MITF: variants seen among roughly 807,000 people sequenced by gnomAD.
MITF encodes the protein melanocyte inducing transcription factor, also known as microphthalmia-associated transcription factor.
Under a neutral mutation model 60.5 loss-of-function variants are expected in MITF, and 17 were observed. That is an observed-to-expected ratio of 0.28 (90% CI 0.19 to 0.42). The LOEUF is 0.42. Ranked by LOEUF, MITF falls within the 10% of genes least tolerant of loss-of-function variation. MITF has a pLI of 1.00. For missense variants in MITF, 622 were observed against 683.5 expected, an observed-to-expected ratio of 0.91 and a Z score of 1.00; for synonymous variants, 260 against 248.5, an observed-to-expected ratio of 1.05 and a Z score of -0.43.
In MITF at chr3:69,937,938, C is replaced by T. The variant is rs953396864; in HGVS notation, c.471C>T (p.Ser157=). Residue 157 remains serine (S), a synonymous_variant, in exon 3 of 10, where the codon AGC becomes AGT. Coordinates refer to ENST00000352241, the MANE Select transcript of MITF (RefSeq NM_001354604.2). ...LANKHANQVL[S]LPCPNQPGDH... is the part of the protein sequence containing the mutation. ...ATAAACATGCCAACCAAGTCCTGAGCTTGCCATGTCCAAACCAGCCTGGCG... is the reference window on the plus strand; with the variant it reads ...ATAAACATGCCAACCAAGTCCTGAGTTTGCCATGTCCAAACCAGCCTGGCG... The T allele has an allele frequency of 1.9e-6, 3 of 1,614,060 alleles. No individual in the cohort carries two copies. The African/African-American group carries it at 4.0e-5, about 22-fold the overall frequency.
At chr3:69,832,658 G>T (rs1224379310) in intron 1 of MITF, among the ~76,000 whole-genome samples, 2 of 151,654 alleles carry the variant, frequency 1.3e-5, no homozygotes. Context: ...GTCACACTGT[G>T]TGTGGTTGTT....
intron 2 of MITF, among the ~76,000 whole-genome samples, chr3:69,911,646 G>A (rs951677323): frequency 6.6e-6 from 1 of 152,158 alleles, no homozygotes; most frequent in Non-Finnish European, 1.5e-5. Flanking sequence ...GGGAAAGAAG[G>A]CAAAGAATAT....
chr3:69,937,330 T>C (rs1437941505), intron 2 of MITF, among the ~76,000 whole-genome samples: 2 of 151,942 alleles, frequency 1.3e-5, no homozygotes, highest in African/African-American at 2.4e-5. Flanking sequence ...TATATTTATT[T>C]TCTACAGCCA....
chr3:69,907,292 G>T (rs1219645980), intron 2 of MITF, among the ~76,000 whole-genome samples: 1 of 152,146 alleles, frequency 6.6e-6, no homozygotes, highest in Non-Finnish European at 1.5e-5. Flanking sequence ...GGATGAAAAA[G>T]TCATGTGGGT....
chr3:69,793,275 C>T (rs2062772089), intron 1 of MITF, among the ~76,000 whole-genome samples: 1 of 152,136 alleles, frequency 6.6e-6, no homozygotes, highest in African/African-American at 2.4e-5. Flanking sequence ...TTCGGCCTCC[C>T]AAAGTGTTGG....
At chr3:69,756,667 G>A (rs927301512) in intron 1 of MITF, among the ~76,000 whole-genome samples, 1 of 152,146 alleles carries the variant, frequency 6.6e-6, no homozygotes, top group Non-Finnish European at 1.5e-5. Context: ...GGATTGCTGG[G>A]TCAAATGGTA....
At chr3:69,856,072 C>T (rs2063913548) in intron 1 of MITF, among the ~76,000 whole-genome samples, 1 of 152,110 alleles carries the variant, frequency 6.6e-6, no homozygotes, top group South Asian at 2.1e-4. Flanking sequence ...TTTCAGAACC[C>T]TACATGGTTT....
At chr3:69,754,487 TCCA>T (rs1704054276) in intron 1 of MITF, among the ~76,000 whole-genome samples, 1 of 152,164 alleles carries the variant, frequency 6.6e-6, no homozygotes, top group Admixed American at 6.5e-5. Context: ...TGCTCCTGCT[TCCA>T]CCATGTGAGA....
chr3:69,817,073 T>G (rs1392131509), intron 1 of MITF, among the ~76,000 whole-genome samples: 1 of 152,300 alleles, frequency 6.6e-6, no homozygotes, highest in Non-Finnish European at 1.5e-5. Flanking sequence ...TGATGCTTTT[T>G]CTGAAAATAC....
intron 1 of MITF, among the ~76,000 whole-genome samples, chr3:69,783,122 C>T (rs890681089): frequency 8.5e-5 from 13 of 152,072 alleles, no homozygotes; most frequent in Non-Finnish European, 1.8e-4. Context: ...TCTGATTTTC[C>T]CTTGGAGTGA....
intron 1 of MITF, among the ~76,000 whole-genome samples, chr3:69,845,409 GTTTTC>G (rs1449236792): frequency 9.0e-5 from 12 of 133,388 alleles, no homozygotes; most frequent in South Asian, 4.7e-4. Flanking sequence ...GCAATTCTTT[GTTTTC>G]TTTTCTTTTC....
Position 69,941,300 on chromosome 3 carries a change from T to G in MITF, c.731T>G (p.Leu244Trp). The change falls in exon 5 of 10, where the codon TTG (leucine) becomes TGG (tryptophan). Residue 244 changes from leucine (L) to tryptophan (W), a missense_variant. By Grantham distance (61) the Leu-to-Trp change is moderately conservative (BLOSUM62 -2). Transcript: ENST00000352241. ...AGTTATAATGAGGAAATCTTGGGCT[T>G]GATGGATCCTGCTTTGCAAATGGCA... Reference protein sequence around the residue: ...ESSYNEEILGLMDPALQMANT... With the variant: ...ESSYNEEILGWMDPALQMANT... The G allele has an allele frequency of 6.2e-7, 1 of 1,613,118 alleles. No homozygotes were observed. The highest frequency in any genetic ancestry group is 8.5e-7 in the Non-Finnish European group (1 of 1,179,296).
intron 2 of MITF, among the ~76,000 whole-genome samples, chr3:69,904,148 C>T (rs1301033379): frequency 6.6e-6 from 1 of 152,014 alleles, no homozygotes; most frequent in Non-Finnish European, 1.5e-5. Context: ...CCTCCCTTTG[C>T]ACTCTCTGGG....
At chr3:69,754,212 C>T (rs1430094167) in intron 1 of MITF, among the ~76,000 whole-genome samples, 5 of 151,542 alleles carry the variant, frequency 3.3e-5, no homozygotes, top group Non-Finnish European at 5.9e-5. Context: ...CTGTTAGTCT[C>T]TCTCTCTCCT....
At chr3:69,793,868 C>T (rs900125737) in intron 1 of MITF, among the ~76,000 whole-genome samples, 2 of 152,158 alleles carry the variant, frequency 1.3e-5, no homozygotes, top group Non-Finnish European at 2.9e-5. Flanking sequence ...ACAACAGTGT[C>T]CTCATTTATA....
At chr3:69,764,505 A>T (rs2062260155) in intron 1 of MITF, among the ~76,000 whole-genome samples, 2 of 152,252 alleles carry the variant, frequency 1.3e-5, no homozygotes, top group South Asian at 4.1e-4. Flanking sequence ...TTTGTCTTGC[A>T]GTTTAAACAG....
At chr3:69,860,082 ACT>A (rs1228251852) in intron 1 of MITF, among the ~76,000 whole-genome samples, 1 of 152,012 alleles carries the variant, frequency 6.6e-6, no homozygotes, top group African/African-American at 2.4e-5. Context: ...TGTCTCACCT[ACT>A]CTGTTTATAT....
chr3:69,807,766 C>A (rs1205112698), intron 1 of MITF, among the ~76,000 whole-genome samples: 1 of 152,142 alleles, frequency 6.6e-6, no homozygotes, highest in Non-Finnish European at 1.5e-5. Flanking sequence ...TCCAATGACC[C>A]ATTTTGGAGT....
chr3:69,758,271 G>C (rs2062160431), intron 1 of MITF, among the ~76,000 whole-genome samples: 1 of 151,832 alleles, frequency 6.6e-6, no homozygotes, highest in Non-Finnish European at 1.5e-5. Context: ...CTGGGCTCAA[G>C]CAATTCCCCT....
Sources: gnomAD v4.1 joint callset for allele counts (sites outside exome capture counted in the v4.1 genomes callset) on GRCh38, gnomAD v4.1.1 for gene constraint, MANE v1.5 for transcripts, NCBI Gene and HGNC (gene_info 2026-07-23, HGNC 2026-07-21) for gene names.